GPHN: variants seen among roughly 807,000 people sequenced by gnomAD.
GPHN encodes the protein gephyrin.
In GPHN, 17 loss-of-function variants were observed where a neutral mutation model predicts 95.5. The ratio of observed to expected loss-of-function variants is 0.18; its 90% CI spans 0.12 to 0.27. GPHN has a LOEUF of 0.27. Ranked by LOEUF, GPHN falls within the 10% of genes least tolerant of loss-of-function variation. GPHN has a pLI of 1.00. For synonymous variants in GPHN, 320 were observed against 322.5 expected (o/e 0.99, Z 0.08); for missense variants, 660 against 978.1 (o/e 0.67, Z 4.34).
the GPHN span, chr14:67,562,992 T>C: frequency 7.9e-7 from 1 of 1,266,370 alleles, no homozygotes; most frequent in East Asian, 2.4e-5. Context: ...AGGAGGCTGC[T>C]GGCATCCTCA....
intron 1 of GPHN, among the ~76,000 whole-genome samples, chr14:66,598,705 C>T (rs1220200105): frequency 6.6e-6 from 1 of 151,906 alleles, no homozygotes; most frequent in Non-Finnish European, 1.5e-5. Flanking sequence ...ATTAGCTGGG[C>T]GTGGTGGCGC....
chr14:66,807,472 TAGTG>T (rs1290285600), intron 3 of GPHN, among the ~76,000 whole-genome samples: 2 of 152,358 alleles, frequency 1.3e-5, no homozygotes, highest in East Asian at 1.9e-4. Context: ...TCTTCTATAA[TAGTG>T]AGAGTTAATA....
intron 8 of GPHN, among the ~76,000 whole-genome samples, chr14:66,931,183 G>C (rs1219698860): frequency 6.6e-6 from 1 of 152,084 alleles, no homozygotes; most frequent in Non-Finnish European, 1.5e-5. Flanking sequence ...TTCTCTCCCA[G>C]CCTGTAAGGT....
At chr14:67,581,224 C>T in the GPHN span, among the ~76,000 whole-genome samples, 1 of 152,004 alleles carries the variant, frequency 6.6e-6, no homozygotes, top group African/African-American at 2.4e-5. Flanking sequence ...CCCTGGGCAG[C>T]TCAGGCCTTC....
chr14:66,545,283 C>T (rs1288281419), intron 1 of GPHN, among the ~76,000 whole-genome samples: 24 of 132,338 alleles, frequency 1.8e-4, no homozygotes, highest in South Asian at 5.2e-4. Context: ...TAGGGGCGGC[C>T]GGGCAGAGGC....
chr14:66,902,564 T>A (rs2065173139), intron 5 of GPHN, among the ~76,000 whole-genome samples: 1 of 152,098 alleles, frequency 6.6e-6, no homozygotes, highest in Non-Finnish European at 1.5e-5. Flanking sequence ...TGAATGAGGG[T>A]TTTTATCATA....
At chr14:67,239,167 T>TTG in the GPHN span, among the ~76,000 whole-genome samples, 2 of 152,078 alleles carry the variant, frequency 1.3e-5, no homozygotes, top group Admixed American at 1.3e-4. Context: ...GAGGCTTTTT[T>TTG]TGTGTGTGTG....
chr14:67,493,190 T>TCA, the GPHN span, among the ~76,000 whole-genome samples: 3 of 152,178 alleles, frequency 2.0e-5, no homozygotes, highest in African/African-American at 7.2e-5. Flanking sequence ...CAGTTTATCT[T>TCA]CAAAGGTTTC....
the GPHN span, among the ~76,000 whole-genome samples, chr14:67,400,179 G>A: frequency 2.0e-5 from 3 of 152,168 alleles, no homozygotes; most frequent in African/African-American, 7.2e-5. Flanking sequence ...ACACTGACTT[G>A]AGCCCAAACA....
At chr14:67,632,966 G>A in the GPHN span, among the ~76,000 whole-genome samples, 2 of 151,286 alleles carry the variant, frequency 1.3e-5, no homozygotes, top group South Asian at 2.1e-4. Flanking sequence ...GACTACAGGC[G>A]CCCGCCACCA....
intron 2 of GPHN, among the ~76,000 whole-genome samples, chr14:66,727,859 T>C (rs8010267): frequency 0.31 from 47,056 of 151,812 alleles, 11,049 homozygotes; most frequent in African/African-American, 0.63. Flanking sequence ...CATGCATAAG[T>C]AATAAGGAGC....
intron 2 of GPHN, among the ~76,000 whole-genome samples, chr14:66,716,631 T>C (rs1036497753): frequency 2.0e-5 from 3 of 152,222 alleles, no homozygotes; most frequent in Non-Finnish European, 4.4e-5. Flanking sequence ...ATTTATGCTT[T>C]AAATAAGTTC....
intron 1 of GPHN, among the ~76,000 whole-genome samples, chr14:66,642,299 A>C (rs2064459851): frequency 6.6e-6 from 1 of 152,316 alleles, no homozygotes; most frequent in East Asian, 1.9e-4. Flanking sequence ...TGAAAGCAGA[A>C]TAGAGATGCA....
At chr14:66,866,357 A>T (rs555840713) in intron 4 of GPHN, among the ~76,000 whole-genome samples, 79 of 152,252 alleles carry the variant, frequency 5.2e-4, no homozygotes, top group African/African-American at 1.7e-3. Flanking sequence ...TTAACAATCC[A>T]TAGGAATATC....
At chr14:67,587,103 C>G in the GPHN span, 1 of 1,612,714 alleles carries the variant, frequency 6.2e-7, no homozygotes, top group Non-Finnish European at 8.5e-7. Flanking sequence ...TCATGGCCAG[C>G]TATATGAACC....
At chr14:67,700,588 G>A in the GPHN span, among the ~76,000 whole-genome samples, 2 of 151,568 alleles carry the variant, frequency 1.3e-5, no homozygotes, top group East Asian at 3.9e-4. Flanking sequence ...GGTGGCGGGC[G>A]CCTGTAGTCC....
chr14:66,874,646 G>T (rs573584438), intron 4 of GPHN, among the ~76,000 whole-genome samples: 54 of 152,216 alleles, frequency 3.5e-4, no homozygotes, highest in African/African-American at 1.2e-3. Flanking sequence ...TCAAGCCAAA[G>T]AAAGAATTTC....
intron 9 of GPHN, among the ~76,000 whole-genome samples, chr14:67,000,222 T>C (rs2072121069): frequency 6.6e-6 from 1 of 151,738 alleles, no homozygotes; most frequent in African/African-American, 2.4e-5. Flanking sequence ...GTTTTGGAGC[T>C]TTTGCAAACA....
chr14:67,579,856 T>C, the GPHN span: 699 of 1,603,830 alleles, frequency 4.4e-4, no homozygotes, highest in Non-Finnish European at 5.4e-4. Flanking sequence ...CCTGGAGCAC[T>C]GCCTGCAGGG....
Sources: gnomAD v4.1 joint callset for allele counts (sites outside exome capture counted in the v4.1 genomes callset) on GRCh38, gnomAD v4.1.1 for gene constraint, MANE v1.5 for transcripts, NCBI Gene and HGNC (gene_info 2026-07-23, HGNC 2026-07-21) for gene names.